The following CPQ variants were observed in gnomAD, a reference collection of about 807,000 sequenced individuals.
The protein encoded by CPQ is carboxypeptidase Q, also known as Ser-Met dipeptidase.
CPQ carries 37 observed loss-of-function variants against 45.7 expected under a neutral mutation model. That is an observed-to-expected ratio of 0.81 (90% confidence interval 0.62 to 1.07). The LOEUF is 1.07. Ranked by LOEUF, CPQ falls within the 50% of genes least tolerant of loss-of-function variation. The pLI is 0.00. For synonymous variants in CPQ, 186 were observed against 205.8 expected (o/e 0.90, Z 0.82); for missense variants, 537 against 572.9 (o/e 0.94, Z 0.64).
At chr8:96,888,543 CATT>C (rs1214218039) in intron 4 of CPQ, among the ~76,000 whole-genome samples, 3 of 152,264 alleles carry the variant, frequency 2.0e-5, no homozygotes, top group Admixed American at 2.0e-4. Context: ...TGGAGAAAAG[CATT>C]ATTTACAGAG....
At chr8:96,975,530 A>G (rs577487852) in intron 5 of CPQ, among the ~76,000 whole-genome samples, 6 of 151,892 alleles carry the variant, frequency 4.0e-5, no homozygotes, top group Non-Finnish European at 8.9e-5. Context: ...AACAAAAAAA[A>G]AAGAGAGAGA....
chr8:96,754,113 T>C (rs1810298164), intron 1 of CPQ, among the ~76,000 whole-genome samples: 1 of 152,084 alleles, frequency 6.6e-6, no homozygotes, highest in African/African-American at 2.4e-5. Context: ...GACTTAATTT[T>C]CCAGATTTGT....
At chr8:96,877,955 A>G (rs138235482) in intron 3 of CPQ, among the ~76,000 whole-genome samples, 159 of 148,966 alleles carry the variant, frequency 1.1e-3, no homozygotes, top group African/African-American at 3.5e-3. Flanking sequence ...TTTGCAGTCC[A>G]CCTTTTCTTT....
chr8:96,953,710 A>G (rs948788038), intron 4 of CPQ, among the ~76,000 whole-genome samples: 6 of 152,270 alleles, frequency 3.9e-5, no homozygotes, highest in Admixed American at 6.5e-5. Context: ...ATTTTTATCA[A>G]TGAACCTTAA....
At chr8:97,030,370 CTT>C (rs113611390) in intron 6 of CPQ, among the ~76,000 whole-genome samples, 2 of 143,934 alleles carry the variant, frequency 1.4e-5, no homozygotes, top group African/African-American at 2.5e-5. Flanking sequence ...TATTTTTGAC[CTT>C]TTTTTTTTTT....
chr8:96,917,371 C>G (rs1268326453), intron 4 of CPQ, among the ~76,000 whole-genome samples: 1 of 152,088 alleles, frequency 6.6e-6, no homozygotes, highest in African/African-American at 2.4e-5. Flanking sequence ...ATTGTTACAG[C>G]CTTGGCCATG....
chr8:97,025,051 A>G (rs1183373429), intron 5 of CPQ, among the ~76,000 whole-genome samples: 3 of 152,182 alleles, frequency 2.0e-5, no homozygotes, highest in Admixed American at 6.5e-5. Context: ...AAATTTCATG[A>G]TTTAGGAAAG....
At position 97,082,796 on chromosome 8, in the gene CPQ, C is replaced by A. The variant is rs181434531; in HGVS notation, c.1255+16586C>A. ...AAGTGTTCTGTCCTCCCACTCCCAC[C>A]CCATGGTATTTCCTTACCCATACAA... On this transcript the variant is annotated intron_variant, in intron 7 of 7. Coordinates refer to ENST00000220763, the MANE Select transcript of CPQ (RefSeq NM_016134.4). Among the ~76,000 whole-genome samples, 635 of 152,254 alleles carry A rather than the reference C, an allele frequency of 4.2e-3. 3 individuals carry two copies. Among genetic ancestry groups the A allele is most frequent in the Non-Finnish European group, 6.4e-3 (434 of 68,020 alleles).
chr8:96,998,334 GA>G lies in CPQ; in HGVS notation c.962-31062del, dbSNP rs756231864. Among the ~76,000 whole-genome samples the G allele has an allele frequency of 9.2e-4, 140 of 151,790 alleles. 1 individual carries two copies. Among genetic ancestry groups the G allele is most frequent in the Middle Eastern group, 3.4e-3 (1 of 294 alleles). ...AATGTATAGTCATTTAGAATTTCTAGAAAAAAATCTAAATAAAAGGAATAAA... is the reference window on the plus strand; with the variant it reads ...AATGTATAGTCATTTAGAATTTCTAGAAAAAATCTAAATAAAAGGAATAAA... On this transcript the variant is annotated intron_variant, in intron 5 of 7. Coordinates refer to ENST00000220763, the MANE Select transcript of CPQ (RefSeq NM_016134.4).
chr8:96,751,235 T>C (rs1388988787), intron 1 of CPQ, among the ~76,000 whole-genome samples: 1 of 152,218 alleles, frequency 6.6e-6, no homozygotes, highest in Non-Finnish European at 1.5e-5. Flanking sequence ...ATTGTTGAAC[T>C]AATTTACACT....
chr8:97,004,366 T>G lies in CPQ; in HGVS notation c.962-25037T>G, dbSNP rs1044593014. Reference sequence around the variant, plus strand: ...CACTGAAATGACACTTGTAGTCTTTTAAATTAGTGATTTTAAAAAAACAAA... The same window carrying G: ...CACTGAAATGACACTTGTAGTCTTTGAAATTAGTGATTTTAAAAAAACAAA... On this transcript the variant is annotated intron_variant, in intron 5 of 7. Transcript: ENST00000220763. Among the ~76,000 whole-genome samples, 4 of 151,812 alleles carry G rather than the reference T, an allele frequency of 2.6e-5. No homozygotes were observed. In the East Asian group the frequency reaches 7.7e-4, roughly 29 times the overall value.
At chr8:96,698,663 A>G (rs1211282771) in intron 1 of CPQ, among the ~76,000 whole-genome samples, 2 of 152,108 alleles carry the variant, frequency 1.3e-5, no homozygotes, top group East Asian at 3.8e-4. Flanking sequence ...AAATATAATA[A>G]TATTATGAAA....
At chr8:96,795,983 CATT>C (rs1810922439) in intron 2 of CPQ, among the ~76,000 whole-genome samples, 1 of 151,900 alleles carries the variant, frequency 6.6e-6, no homozygotes, top group South Asian at 2.1e-4. Flanking sequence ...GATATGTAAA[CATT>C]ATATATAATG....
At chr8:97,116,432 A>G (rs1479229463) in intron 7 of CPQ, among the ~76,000 whole-genome samples, 2 of 152,254 alleles carry the variant, frequency 1.3e-5, no homozygotes, top group African/African-American at 2.4e-5. Context: ...GGTCTTAAAT[A>G]AACAGACACC....
In CPQ at chr8:97,035,311, C is replaced by T. The variant is rs185721463; in HGVS notation, c.1053+5817C>T. 1.4e-4 allele frequency among the ~76,000 whole-genome samples: 22 copies of T among 152,302 alleles called. 1 individual carries two copies. The highest frequency in any genetic ancestry group is 1.3e-3 in the East Asian group (7 of 5,188). ...ACATGTGAGTTGTTTCCAGTTTTAGCTATTATAAATGAAGTTACCATGAAC... is the reference window on the plus strand; with the variant it reads ...ACATGTGAGTTGTTTCCAGTTTTAGTTATTATAAATGAAGTTACCATGAAC... On this transcript the variant is annotated intron_variant, in intron 6 of 7. Coordinates refer to ENST00000220763, the MANE Select transcript of CPQ (RefSeq NM_016134.4).
At chr8:96,761,895 G>A (rs1212767315) in intron 1 of CPQ, among the ~76,000 whole-genome samples, 1 of 152,144 alleles carries the variant, frequency 6.6e-6, no homozygotes, top group African/African-American at 2.4e-5. Context: ...TTGCCATTCT[G>A]TCTCCCTTCT....
intron 7 of CPQ, among the ~76,000 whole-genome samples, chr8:97,078,946 C>T (rs896063579): frequency 3.3e-5 from 5 of 151,952 alleles, no homozygotes; most frequent in Admixed American, 1.3e-4. Flanking sequence ...TACAGGCTGG[C>T]GCCATTGTGC....
chr8:96,995,656 GTTT>G (rs368110623), intron 5 of CPQ, among the ~76,000 whole-genome samples: 1 of 142,454 alleles, frequency 7.0e-6, no homozygotes, highest in Admixed American at 7.1e-5. Flanking sequence ...GACTTGTGAG[GTTT>G]TTTTTTTTTT....
intron 3 of CPQ, among the ~76,000 whole-genome samples, chr8:96,849,312 G>A (rs1436885288): frequency 1.3e-5 from 2 of 152,198 alleles, no homozygotes; most frequent in Non-Finnish European, 2.9e-5. Context: ...CTGCAGTTCT[G>A]CATATCTGAT....
Sources: gnomAD v4.1 joint callset for allele counts (sites outside exome capture counted in the v4.1 genomes callset) on GRCh38, gnomAD v4.1.1 for gene constraint, MANE v1.5 for transcripts, NCBI Gene and HGNC (gene_info 2026-07-23, HGNC 2026-07-21) for gene names.